SCARA3: variants seen among roughly 807,000 people sequenced by gnomAD.
SCARA3 encodes the protein scavenger receptor class A member 3.
Under a neutral mutation model 47.0 loss-of-function variants are expected in SCARA3, and 39 were observed. The observed-to-expected ratio is 0.83, with a 90% CI of 0.64 to 1.08. The LOEUF is 1.08. Among genes scored for constraint, SCARA3 ranks in the 50% least tolerant of loss-of-function variants. SCARA3 has a pLI of 0.00. For synonymous variants in SCARA3, 356 were observed against 334.1 expected (o/e 1.07, Z -0.71); for missense variants, 724 against 792.3 (o/e 0.91, Z 1.04).
At chr8:27,646,157 G>A (rs545170803) in intron 1 of SCARA3, among the ~76,000 whole-genome samples, 12 of 152,282 alleles carry the variant, frequency 7.9e-5, no homozygotes, top group Non-Finnish European at 1.2e-4. Flanking sequence ...GGGGATTGGG[G>A]AGGGCTGTGA....
chr8:27,671,695 C>G lies in SCARA3; in HGVS notation c.*344C>G. On this transcript the variant is annotated 3_prime_UTR_variant, in exon 6 of 6. Transcript: ENST00000301904. The stretch of plus-strand genomic sequence containing the variant: ...GCACACATACACGTGCACACATACA[C>G]AGGCACACATGCATGCACACATACA... The G allele has an allele frequency of 9.4e-7, 1 of 1,069,428 alleles. No homozygotes were observed. The highest frequency in any genetic ancestry group is 1.1e-6 in the Non-Finnish European group (1 of 878,512). The allele number at this position is 1,069,428 out of a possible 1,614,324, so 66.2% of individuals were successfully genotyped here.
At chr8:27,645,460 G>GACAGATATCA (rs1399298946) in intron 1 of SCARA3, among the ~76,000 whole-genome samples, 15 of 152,242 alleles carry the variant, frequency 9.9e-5, no homozygotes, top group African/African-American at 3.6e-4. Context: ...TATATGGAAA[G>GACAGATATCA]GTCTTGTCCC....
At chr8:27,718,333 C>T in the SCARA3 span, among the ~76,000 whole-genome samples, 1 of 152,262 alleles carries the variant, frequency 6.6e-6, no homozygotes, top group Non-Finnish European at 1.5e-5. Flanking sequence ...GGTGCTCAGG[C>T]AAAGCCTGAA....
chr8:27,669,362 G>T (rs1802093314), intron 5 of SCARA3, among the ~76,000 whole-genome samples: 1 of 152,240 alleles, frequency 6.6e-6, no homozygotes, highest in Non-Finnish European at 1.5e-5. Flanking sequence ...GCTGGCCCAG[G>T]CGCCAGGAGC....
chr8:27,728,521 C>T, the SCARA3 span, among the ~76,000 whole-genome samples: 1 of 152,206 alleles, frequency 6.6e-6, no homozygotes, highest in Non-Finnish European at 1.5e-5. Flanking sequence ...CTAATCCTCC[C>T]TAAACCCACC....
chr8:27,653,058 AGCCACGGTCT>A (rs949595950), intron 3 of SCARA3, among the ~76,000 whole-genome samples: 1 of 152,224 alleles, frequency 6.6e-6, no homozygotes, highest in Admixed American at 6.5e-5. Flanking sequence ...GGAGGAAAGG[AGCCACGGTCT>A]GCCTATCAGA....
the SCARA3 span, among the ~76,000 whole-genome samples, chr8:27,686,775 C>G: frequency 6.6e-6 from 1 of 152,170 alleles, no homozygotes; most frequent in South Asian, 2.1e-4. Context: ...AACAACACCC[C>G]TATTTTCTGT....
At chr8:27,680,625 T>C (rs1585305488), downstream of SCARA3, among the ~76,000 whole-genome samples, 1 of 152,258 alleles carries the variant, frequency 6.6e-6, no homozygotes, top group South Asian at 2.1e-4. Flanking sequence ...ATTTAAGAAA[T>C]ACATAATGCC....
At chr8:27,661,054 C>T (rs1247175919) in intron 5 of SCARA3, among the ~76,000 whole-genome samples, 1 of 152,062 alleles carries the variant, frequency 6.6e-6, no homozygotes, top group East Asian at 1.9e-4. Flanking sequence ...TTCAGGCCTT[C>T]AACTGATTAG....
the SCARA3 span, among the ~76,000 whole-genome samples, chr8:27,721,130 A>G: frequency 6.7e-6 from 1 of 149,664 alleles, no homozygotes; most frequent in East Asian, 1.9e-4. Context: ...CCCTCATTTC[A>G]TGAGTAAGGC....
Position 27,634,309 on chromosome 8 carries a change from G to A in SCARA3, c.7+102G>A, listed in dbSNP as rs907941212. ...TTTTCTGCAGGCGAGGCTGAGAGGA[G>A]GGCAGGGCGCCTCTGGCTTTTCCCC... On this transcript the variant is annotated intron_variant, in intron 1 of 5. Transcript: ENST00000301904. 2.8e-6 allele frequency: 3 copies of A among 1,082,888 alleles called. No individual in the cohort carries two copies. In the East Asian group the frequency reaches 9.5e-5, roughly 34 times the overall value. 67.1% of individuals were successfully genotyped at this position (1,082,888 alleles called of 1,614,324 possible). A position where few individuals can be genotyped will look rare whatever the true frequency, so the allele number is the denominator to read the frequency against.
chr8:27,653,890 G>A (rs1327233485), intron 3 of SCARA3, among the ~76,000 whole-genome samples: 2 of 152,006 alleles, frequency 1.3e-5, no homozygotes, highest in Non-Finnish European at 2.9e-5. Context: ...AATATTTTAG[G>A]CTTTTCAGGT....
intron 5 of SCARA3, among the ~76,000 whole-genome samples, chr8:27,668,573 A>G (rs1373151552): frequency 6.6e-6 from 1 of 150,842 alleles, no homozygotes; most frequent in Non-Finnish European, 1.5e-5. Context: ...GAAATCACAG[A>G]TATAGGCCAG....
At chr8:27,642,058 T>C (rs1488204554) in intron 1 of SCARA3, among the ~76,000 whole-genome samples, 1 of 152,218 alleles carries the variant, frequency 6.6e-6, no homozygotes, top group Non-Finnish European at 1.5e-5. Flanking sequence ...TTATTATTTT[T>C]TTTGGCAGGA....
chr8:27,638,661 T>C (rs1348621149), intron 1 of SCARA3, among the ~76,000 whole-genome samples: 2 of 152,134 alleles, frequency 1.3e-5, no homozygotes, highest in Non-Finnish European at 2.9e-5. Context: ...GACTGCCAGG[T>C]GCCCGGCTCT....
chr8:27,677,308 C>T (rs1802293850), downstream of SCARA3, among the ~76,000 whole-genome samples: 1 of 152,130 alleles, frequency 6.6e-6, no homozygotes. Context: ...CTGGAGTTTG[C>T]GGCTGCCAAG....
chr8:27,647,640 C>A (rs1449152739), intron 1 of SCARA3, among the ~76,000 whole-genome samples: 1 of 152,174 alleles, frequency 6.6e-6, no homozygotes, highest in Non-Finnish European at 1.5e-5. Context: ...AGAGCTGCCG[C>A]ATGGACAGGA....
chr8:27,688,566 C>G, the SCARA3 span, among the ~76,000 whole-genome samples: 2 of 151,918 alleles, frequency 1.3e-5, no homozygotes, highest in Non-Finnish European at 2.9e-5. Context: ...CATGGTGGCA[C>G]GTGCCTATAG....
At chr8:27,701,344 A>G in the SCARA3 span, 1 of 152,204 alleles carries the variant, frequency 6.6e-6, no homozygotes, top group African/African-American at 2.4e-5. Flanking sequence ...GATTGATTTA[A>G]CAGTTACTGA....
Sources: gnomAD v4.1 joint callset for allele counts (sites outside exome capture counted in the v4.1 genomes callset) on GRCh38, gnomAD v4.1.1 for gene constraint, MANE v1.5 for transcripts, NCBI Gene and HGNC (gene_info 2026-07-23, HGNC 2026-07-21) for gene names.